The following USP30 variants were observed in gnomAD, a reference collection of about 807,000 sequenced individuals.
USP30 encodes the protein ubiquitin carboxyl-terminal hydrolase 30.
In USP30, 41 loss-of-function variants were observed where a neutral mutation model predicts 68.2. That is an observed-to-expected ratio of 0.60 (90% confidence interval 0.47 to 0.78). The LOEUF (loss-of-function observed/expected upper bound fraction) is 0.78, where lower values mean the gene tolerates loss of function less well. Among genes scored for constraint, USP30 ranks in the 30% least tolerant of loss-of-function variants. The pLI is 0.00. For missense variants in USP30, 522 were observed against 649.4 expected, an observed-to-expected ratio of 0.80 and a Z score of 2.13; for synonymous variants, 229 against 253.7, an observed-to-expected ratio of 0.90 and a Z score of 0.93.
chr12:109,057,407 A>G (rs2040911270), intron 2 of USP30, among the ~76,000 whole-genome samples: 2 of 152,156 alleles, frequency 1.3e-5, no homozygotes, highest in Admixed American at 1.3e-4. Flanking sequence ...TTGCTAGCAG[A>G]AGAGAGAAGT....
chr12:109,044,407 G>T (rs1025442852), intron 3 of USP30, among the ~76,000 whole-genome samples: 1 of 152,160 alleles, frequency 6.6e-6, no homozygotes, highest in Non-Finnish European at 1.5e-5. Flanking sequence ...GGAGGCTGAG[G>T]TGGGAGGATT....
chr12:109,070,607 T>C lies in USP30; in HGVS notation c.481-1005T>C, dbSNP rs1005128999. Among the ~76,000 whole-genome samples the C allele has an allele frequency of 3.9e-5, 6 of 152,150 alleles. No individual in the cohort carries two copies. Among genetic ancestry groups the C allele is most frequent in the African/African-American group, 1.4e-4 (6 of 41,430 alleles). On this transcript the variant is annotated intron_variant, in intron 4 of 12. Transcript: ENST00000257548. This position sits in a 1 kb window ranked among gnomAD's most constrained non-coding sequence, Gnocchi z 4.0. Reference sequence around the variant, plus strand: ...GCAGAAGAGTAAAGCTATCTGCCTTTTAAAGTATTGCTCTGGTGGCAGTGT... The same window carrying C: ...GCAGAAGAGTAAAGCTATCTGCCTTCTAAAGTATTGCTCTGGTGGCAGTGT...
At chr12:109,081,229 T>C in intron 7 of USP30, 105 bp from the exon 8 acceptor site, 2 of 1,018,376 alleles carry the variant, frequency 2.0e-6, no homozygotes, top group South Asian at 1.4e-5. Context: ...TGTGTTAATG[T>C]TGGGCATCTC....
At chr12:109,081,583 C>T (rs2041795413) in intron 8 of USP30, 190 bp downstream of exon 8, 1 of 681,308 alleles carries the variant, frequency 1.5e-6, no homozygotes, top group Non-Finnish European at 2.4e-6. Context: ...TCTTTTGCTC[C>T]AGAAATTTTG....
At chr12:109,026,132 A>G (rs1272851966) in intron 2 of USP30, among the ~76,000 whole-genome samples, 1 of 152,034 alleles carries the variant, frequency 6.6e-6, no homozygotes, top group Non-Finnish European at 1.5e-5. Flanking sequence ...CTGGAGTGCA[A>G]TGATGCAATC....
chr12:109,023,542 G>A (rs933725040), intron 1 of USP30, among the ~76,000 whole-genome samples: 1 of 149,844 alleles, frequency 6.7e-6, no homozygotes, highest in Admixed American at 6.7e-5. Flanking sequence ...GTGATAGAGC[G>A]AAACTCTGTC....
intron 12 of USP30, among the ~76,000 whole-genome samples, 194 bp downstream of exon 12, chr12:109,085,267 C>T (rs1047199022): frequency 2.0e-5 from 3 of 152,044 alleles, no homozygotes; most frequent in Non-Finnish European, 4.4e-5. Flanking sequence ...TTTTAAAGTA[C>T]ATAAAATTTA....
At position 109,056,725 on chromosome 12, in the gene USP30, G is replaced by C; in HGVS notation, c.127G>C (p.Ala43Pro). The C allele has an allele frequency of 6.2e-7, 1 of 1,612,856 alleles. No individual in the cohort carries two copies. Among genetic ancestry groups the C allele is most frequent in the Non-Finnish European group, 8.5e-7 (1 of 1,179,686 alleles). The change falls in exon 2 of 13, where the codon GCT becomes CCT. Residue 43 changes from alanine to proline, a missense_variant. Coordinates refer to ENST00000257548, the MANE Select transcript of USP30 (RefSeq NM_032663.5). ...CTGGGGAGTTATAGGTGGAATTGCT[G>C]CTGCTCTTGCAGCAGGAATATATGT... is the stretch of plus-strand genomic sequence containing the variant. ...KNWGVIGGIA[A>P]ALAAGIYVIW...
At chr12:109,066,553 G>A (rs199763379) in intron 3 of USP30, among the ~76,000 whole-genome samples, 18 of 152,168 alleles carry the variant, frequency 1.2e-4, no homozygotes, top group African/African-American at 4.3e-4. Context: ...GCATGGTAGC[G>A]CATGCCTTGT....
At chr12:109,048,611 G>T (rs949581867), upstream of USP30, among the ~76,000 whole-genome samples, 1 of 151,646 alleles carries the variant, frequency 6.6e-6, no homozygotes, top group South Asian at 2.1e-4. Context: ...GTGGTGGCAC[G>T]CACCTGAAGT....
intron 3 of USP30, among the ~76,000 whole-genome samples, chr12:109,031,752 C>CA (rs1323286307): frequency 2.6e-5 from 4 of 152,116 alleles, no homozygotes; most frequent in East Asian, 1.9e-4. Context: ...CCAGTAACAA[C>CA]AAAAAAATAT....
chr12:109,036,396 G>A (rs998595160), intron 3 of USP30, among the ~76,000 whole-genome samples: 1 of 151,530 alleles, frequency 6.6e-6, no homozygotes, highest in South Asian at 2.1e-4. Context: ...CACCTCCCAG[G>A]TTCAAGAGAT....
chr12:109,076,975 G>A (rs1159497617), intron 7 of USP30, among the ~76,000 whole-genome samples: 2 of 151,922 alleles, frequency 1.3e-5, no homozygotes, highest in African/African-American at 2.4e-5. Context: ...CTCGTGATCC[G>A]CCTGCCTCAG....
intron 9 of USP30, among the ~76,000 whole-genome samples, chr12:109,082,239 C>T (rs957104407): frequency 3.0e-4 from 45 of 152,336 alleles, no homozygotes; most frequent in African/African-American, 1.0e-3. Context: ...TAAACTGTCA[C>T]GCTGAGATGA....
chr12:109,063,748 A>G (rs112907632), intron 3 of USP30, among the ~76,000 whole-genome samples: 181 of 152,188 alleles, frequency 1.2e-3, no homozygotes, highest in African/African-American at 4.1e-3. Context: ...TGGTATGGTA[A>G]TTGCTTTAAT....
chr12:109,058,983 G>A (rs1359530726), intron 3 of USP30, among the ~76,000 whole-genome samples: 1 of 152,142 alleles, frequency 6.6e-6, no homozygotes, highest in East Asian at 1.9e-4. Context: ...AATAGCTTGC[G>A]AAATACTCAG....
At chr12:109,068,787 G>A (rs934680115) in intron 4 of USP30, among the ~76,000 whole-genome samples, 3 of 152,146 alleles carry the variant, frequency 2.0e-5, no homozygotes, top group South Asian at 2.1e-4. Flanking sequence ...AGCCCACATC[G>A]TGCTGTAGTC....
intron 3 of USP30, among the ~76,000 whole-genome samples, chr12:109,045,303 G>A (rs1281988130): frequency 1.3e-5 from 2 of 152,152 alleles, no homozygotes; most frequent in Admixed American, 6.5e-5. Context: ...AGGGATAAGA[G>A]GTACTTATGT....
intron 1 of USP30, among the ~76,000 whole-genome samples, chr12:109,055,815 T>TAAA (rs779280314): frequency 2.3e-5 from 3 of 129,600 alleles, no homozygotes; most frequent in Non-Finnish European, 3.3e-5. Context: ...CCCAGTGCAT[T>TAAA]AAAAAAAAAA....
Sources: allele counts gnomAD v4.1 joint callset (sites outside exome capture counted in the v4.1 genomes callset), GRCh38; gene constraint gnomAD v4.1.1; non-coding constraint Gnocchi (gnomAD v3.1); transcripts MANE v1.5; gene names NCBI Gene and HGNC (gene_info 2026-07-23, HGNC 2026-07-21).